Variants in CREB5 observed in about 807,000 individuals in gnomAD.
CREB5 encodes the protein cAMP responsive element binding protein 5.
Under a neutral mutation model 57.1 loss-of-function variants are expected in CREB5, and 19 were observed. The ratio of observed to expected loss-of-function variants is 0.33; its 90% CI spans 0.23 to 0.49. CREB5 has a LOEUF of 0.49. Ranked by LOEUF, CREB5 falls within the 20% of genes least tolerant of loss-of-function variation. The probability of loss-of-function intolerance (pLI) is 0.99; values close to 1 mark genes in which losing one functional copy is unlikely to be tolerated. For missense variants in CREB5, 579 were observed against 671.6 expected (o/e 0.86, Z 1.52); for synonymous variants, 238 against 238.3 (o/e 1.00, Z 0.01).
intron 4 of CREB5, among the ~76,000 whole-genome samples, chr7:28,566,085 A>C (rs936998575): frequency 2.0e-5 from 3 of 152,130 alleles, no homozygotes; most frequent in African/African-American, 7.2e-5. Flanking sequence ...GCCTTTATTC[A>C]CACTTATTTG....
intron 1 of CREB5, among the ~76,000 whole-genome samples, chr7:28,430,666 A>G (rs1190076659): frequency 1.3e-5 from 2 of 152,184 alleles, no homozygotes; most frequent in African/African-American, 4.8e-5. Context: ...TTCTTTTGCT[A>G]GCATCCTAAC....
intron 8 of CREB5, 42 bp from the exon 9 acceptor site, chr7:28,809,145 C>T: frequency 1.3e-6 from 2 of 1,544,610 alleles, no homozygotes; most frequent in Non-Finnish European, 1.8e-6. Context: ...CTAACCACGT[C>T]CTTCCCTATC....
chr7:28,783,464 T>C (rs1157497358), intron 7 of CREB5, among the ~76,000 whole-genome samples: 1 of 152,224 alleles, frequency 6.6e-6, no homozygotes, highest in Non-Finnish European at 1.5e-5. Context: ...AGCACTTTAT[T>C]TGTAAGACTC....
At chr7:28,471,313 C>A (rs899020793) in intron 1 of CREB5, among the ~76,000 whole-genome samples, 1 of 152,050 alleles carries the variant, frequency 6.6e-6, no homozygotes, top group African/African-American at 2.4e-5. Flanking sequence ...TTCCCAGCAC[C>A]CTTTATTGAA....
chr7:28,560,851 T>TGCGCGCGTGCGTGCGC (rs1416148801), intron 4 of CREB5, among the ~76,000 whole-genome samples: 1 of 69,140 alleles, frequency 1.4e-5, no homozygotes, highest in Admixed American at 1.5e-4. Context: ...TGTGCGCGTG[T>TGCGCGCGTGCGTGCGC]GTGTGTGCGT....
chr7:28,494,883 C>G (rs1400477917), intron 2 of CREB5, 23 bp from the exon 3 acceptor site: 6 of 1,280,576 alleles, frequency 4.7e-6, no homozygotes, highest in Non-Finnish European at 5.3e-6. Flanking sequence ...TCTCCCCTCC[C>G]TTTTTTTTTA....
chr7:28,673,091 TG>T (rs1699934339), intron 5 of CREB5, among the ~76,000 whole-genome samples: 1 of 152,168 alleles, frequency 6.6e-6, no homozygotes, highest in African/African-American at 2.4e-5. Flanking sequence ...CCACTACTGT[TG>T]AGCAAAATTT....
At chr7:28,560,819 T>TGTGTGCGTGTGTGTGTGC (rs1562796977) in intron 4 of CREB5, among the ~76,000 whole-genome samples, 9 of 62,354 alleles carry the variant, frequency 1.4e-4, no homozygotes, top group South Asian at 6.0e-4. Flanking sequence ...CGTGTGTGTG[T>TGTGTGCGTGTGTGTGTGC]GTGCGCGCGC....
In CREB5 at chr7:28,463,103, G is replaced by A. The variant is rs568871419; in HGVS notation, c.4-25072G>A. On this transcript the variant is annotated intron_variant, in intron 1 of 10. Transcript: ENST00000357727. ...TATGGTTGATTTTAAGGTAATTTTT[G>A]TATATATTTTGAATTAGGGATCCAC... 3.9e-5 allele frequency among the ~76,000 whole-genome samples: 6 copies of A among 152,128 alleles called. No individual in the cohort carries two copies. The East Asian group carries it at 1.2e-3, about 29-fold the overall frequency.
At chr7:28,774,990 A>G (rs557142413) in intron 7 of CREB5, among the ~76,000 whole-genome samples, 202 of 152,308 alleles carry the variant, frequency 1.3e-3, no homozygotes, top group African/African-American at 4.7e-3. Context: ...AGAAAGAACA[A>G]GTTTGCAATC....
At chr7:28,772,281 G>T (rs1036716451) in intron 7 of CREB5, among the ~76,000 whole-genome samples, 48 of 152,170 alleles carry the variant, frequency 3.2e-4, no homozygotes, top group African/African-American at 1.2e-3. Flanking sequence ...ACCGCTGGAA[G>T]TTGGGGCAAA....
chr7:28,694,192 A>T (rs539512366), intron 5 of CREB5, among the ~76,000 whole-genome samples: 2 of 152,306 alleles, frequency 1.3e-5, no homozygotes, highest in South Asian at 4.1e-4. Context: ...ACACTTTGCA[A>T]TAAAGGACTG....
At chr7:28,493,215 G>C (rs978833174) in intron 2 of CREB5, among the ~76,000 whole-genome samples, 1 of 152,188 alleles carries the variant, frequency 6.6e-6, no homozygotes, top group East Asian at 1.9e-4. Context: ...TGAGGAATTA[G>C]AAAGCTCTGA....
At chr7:28,495,834 C>T (rs1378488569) in intron 3 of CREB5, among the ~76,000 whole-genome samples, 2 of 152,186 alleles carry the variant, frequency 1.3e-5, no homozygotes, top group Non-Finnish European at 2.9e-5. Context: ...ACAATATCTG[C>T]CTCATATGTG....
At chr7:28,776,617 T>C (rs1005138649) in intron 7 of CREB5, among the ~76,000 whole-genome samples, 2 of 152,232 alleles carry the variant, frequency 1.3e-5, no homozygotes, top group Admixed American at 6.5e-5. Context: ...ATTTACAAAG[T>C]TGTGCAACCA....
intron 5 of CREB5, among the ~76,000 whole-genome samples, chr7:28,582,191 T>C (rs539643804): frequency 6.6e-6 from 1 of 152,298 alleles, no homozygotes; most frequent in Admixed American, 6.5e-5. Context: ...ACTTTCTCAG[T>C]AGTATTAAAG....
At chr7:28,376,378 C>T (rs1786826589) in intron 1 of CREB5, among the ~76,000 whole-genome samples, 1 of 150,834 alleles carries the variant, frequency 6.6e-6, no homozygotes, top group East Asian at 2.0e-4. Context: ...AAGCGATTCT[C>T]CTGCCTCAGC....
intron 4 of CREB5, among the ~76,000 whole-genome samples, chr7:28,539,927 A>G (rs1449726099): frequency 6.6e-6 from 1 of 152,220 alleles, no homozygotes. Context: ...AAGTGAAATC[A>G]ACATTCTTTC....
intron 1 of CREB5, among the ~76,000 whole-genome samples, chr7:28,303,338 C>G (rs1281950474): frequency 6.6e-6 from 1 of 152,088 alleles, no homozygotes; most frequent in African/African-American, 2.4e-5. Context: ...GCACAGTTAA[C>G]TAAGACCCAA....
Sources: gnomAD v4.1 joint callset for allele counts (sites outside exome capture counted in the v4.1 genomes callset) on GRCh38, gnomAD v4.1.1 for gene constraint, MANE v1.5 for transcripts, NCBI Gene and HGNC (gene_info 2026-07-23, HGNC 2026-07-21) for gene names.